MAST4: variants seen among roughly 807,000 people sequenced by gnomAD.
MAST4 encodes the protein microtubule associated serine/threonine kinase family member 4.
MAST4 carries 89 observed loss-of-function variants against 162.7 expected under a neutral mutation model. That is an observed-to-expected ratio of 0.55 (90% CI 0.46 to 0.65). MAST4 has a LOEUF of 0.65. Among genes scored for constraint, MAST4 ranks in the 30% least tolerant of loss-of-function variants. The probability of loss-of-function intolerance (pLI) is 0.00; values close to 1 mark genes in which losing one functional copy is unlikely to be tolerated. For missense variants in MAST4, 3,153 were observed against 3,374.0 expected (o/e 0.93, Z 1.62); for synonymous variants, 1,479 against 1,361.1 (o/e 1.09, Z -1.91).
intron 4 of MAST4, among the ~76,000 whole-genome samples, chr5:66,975,982 A>T (rs1460796562): frequency 1.3e-5 from 2 of 151,988 alleles, no homozygotes; most frequent in Admixed American, 1.3e-4. Context: ...AGGGTGACAG[A>T]GCTAGACTCC....
intron 2 of MAST4, among the ~76,000 whole-genome samples, chr5:66,777,576 T>G (rs1041659209): frequency 2.6e-5 from 4 of 152,126 alleles, no homozygotes; most frequent in Non-Finnish European, 5.9e-5. Flanking sequence ...AACAGTTTGA[T>G]TTTATGAGTT....
chr5:66,894,948 G>T (rs1237745165), intron 3 of MAST4, among the ~76,000 whole-genome samples: 1 of 152,150 alleles, frequency 6.6e-6, no homozygotes, highest in Non-Finnish European at 1.5e-5. Flanking sequence ...CAGGACACCT[G>T]TGAGGAGAGA....
At chr5:66,667,792 A>AT (rs111863549) in intron 1 of MAST4, among the ~76,000 whole-genome samples, 49,571 of 151,766 alleles carry the variant, frequency 0.33, 8,584 homozygotes, top group African/African-American at 0.45. Flanking sequence ...ATTATAATTG[A>AT]TTTTTTTTGT....
chr5:66,845,950 T>C (rs1252661822), intron 3 of MAST4, among the ~76,000 whole-genome samples: 1 of 152,172 alleles, frequency 6.6e-6, no homozygotes, highest in Non-Finnish European at 1.5e-5. Flanking sequence ...ACATAACATT[T>C]ATTGAACTTC....
At chr5:67,056,077 A>G (rs1442514164) in intron 5 of MAST4, among the ~76,000 whole-genome samples, 1 of 150,248 alleles carries the variant, frequency 6.7e-6, no homozygotes, top group Admixed American at 6.7e-5. Context: ...TCACTGTATT[A>G]TATTTTATGT....
rs141393965 is a variant in MAST4 at position 66,716,809 on chromosome 5, C to T, written c.364-42900C>T. 9.1e-4 allele frequency among the ~76,000 whole-genome samples: 139 copies of T among 152,314 alleles called. 2 individuals carry two copies. Among genetic ancestry groups the T allele is most frequent in the Middle Eastern group, 3.4e-3 (1 of 294 alleles). On this transcript the variant is annotated intron_variant, in intron 1 of 28. Transcript: ENST00000403625. Reference sequence around the variant, plus strand: ...TTGTGTTTTTTGGCTATCACCTTGACTACATTAACCATTGTAGTAGAGTAC... The same window carrying T: ...TTGTGTTTTTTGGCTATCACCTTGATTACATTAACCATTGTAGTAGAGTAC...
chr5:66,974,808 G>T (rs990344672), intron 4 of MAST4, among the ~76,000 whole-genome samples: 3 of 152,158 alleles, frequency 2.0e-5, no homozygotes, highest in African/African-American at 7.2e-5. Flanking sequence ...CATGGGATTT[G>T]CAAAGTATAA....
chr5:66,846,544 G>T (rs772333664), intron 3 of MAST4, among the ~76,000 whole-genome samples: 16 of 152,278 alleles, frequency 1.1e-4, no homozygotes, highest in Non-Finnish European at 1.0e-4. Context: ...TGTTGCTATA[G>T]ATTAATGACT....
At chr5:66,769,462 G>A (rs1754263900) in intron 2 of MAST4, among the ~76,000 whole-genome samples, 1 of 152,102 alleles carries the variant, frequency 6.6e-6, no homozygotes, top group Admixed American at 6.5e-5. Flanking sequence ...TTAATGACGG[G>A]GATACGTTTA....
At position 67,056,727 on chromosome 5, in the gene MAST4, A is replaced by C. The variant is rs1758871916; in HGVS notation, c.763+2235A>C. Among the ~76,000 whole-genome samples the C allele has an allele frequency of 3.3e-5, 5 of 152,068 alleles. No individual in the cohort carries two copies. In the South Asian group the frequency reaches 8.3e-4, roughly 25 times the overall value. On this transcript the variant is annotated intron_variant, in intron 5 of 28. Transcript: ENST00000403625. ...TGTTTTTGTTTTTGAGACAAAACCT[A>C]CCTCTGTTGCCCAGGCTGGAGTGCA...
rs150823922 is a variant in MAST4, at chr5:66,788,731, C to T, written c.579C>T (p.Ser193=). Residue 193 remains serine, a synonymous_variant, in exon 3 of 29, where the codon TCC becomes TCT. Transcript: ENST00000403625. ...GQAWPASAET[S]NLVRMRSQAL... is the part of the protein sequence containing the mutation. Reference sequence around the variant, plus strand: ...CCTGGCCGGCCTCTGCAGAGACGTCCAACCTCGTGCGCATGCGCAGCCAGG... The same window carrying T: ...CCTGGCCGGCCTCTGCAGAGACGTCTAACCTCGTGCGCATGCGCAGCCAGG... 1 of 1,613,258 alleles carries T rather than the reference C, an allele frequency of 6.2e-7. No homozygotes were observed. Among genetic ancestry groups the T allele is most frequent in the East Asian group, 2.2e-5 (1 of 44,854 alleles).
chr5:67,101,239 G>A (rs972936356), intron 8 of MAST4, among the ~76,000 whole-genome samples: 1 of 152,206 alleles, frequency 6.6e-6, no homozygotes, highest in Non-Finnish European at 1.5e-5. Context: ...ATTGGACAGA[G>A]GGAGAAGTCC....
intron 1 of MAST4, among the ~76,000 whole-genome samples, chr5:66,701,021 CTAA>C (rs1466920894): frequency 1.3e-5 from 2 of 151,594 alleles, no homozygotes; most frequent in Admixed American, 1.3e-4. Context: ...TTTACATTTC[CTAA>C]TAATAAAGCA....
At chr5:66,883,950 CTT>C (rs1761876546) in intron 3 of MAST4, among the ~76,000 whole-genome samples, 1 of 152,158 alleles carries the variant, frequency 6.6e-6, no homozygotes, top group South Asian at 2.1e-4. Flanking sequence ...CAAAGGGACA[CTT>C]TATTGAATTA....
chr5:66,741,840 T>A (rs1752492183), intron 1 of MAST4, among the ~76,000 whole-genome samples: 1 of 152,202 alleles, frequency 6.6e-6, no homozygotes. Flanking sequence ...GTCTCCTAAA[T>A]CAGAGCTGTT....
chr5:66,725,577 C>T (rs1239926743), intron 1 of MAST4, among the ~76,000 whole-genome samples: 2 of 152,146 alleles, frequency 1.3e-5, no homozygotes, highest in Non-Finnish European at 2.9e-5. Context: ...CCAAGAGACA[C>T]TTCTCTGACT....
Position 67,165,160 on chromosome 5 carries a change from G to C in MAST4, c.5981G>C (p.Arg1994Thr). 1.3e-6 allele frequency: 2 copies of C among 1,599,620 alleles called. No individual in the cohort carries two copies. Among genetic ancestry groups the C allele is most frequent in the Non-Finnish European group, 1.7e-6 (2 of 1,172,906 alleles). The part of the protein sequence containing the change: ...ERSAARADTC[R>T]EPSMELCFPE... The stretch of plus-strand genomic sequence containing the variant: ...TCTGCTGCGAGGGCTGACACATGCA[G>C]AGAGCCCTCCATGGAACTGTGCTTT... Residue 1994 changes from arginine (R) to threonine (T), a missense_variant, in exon 29 of 29, where the codon AGA (arginine) becomes ACA (threonine). Physicochemically the swap from Arg to Thr is moderately conservative, Grantham distance 71 (BLOSUM62 -1). This residue lies in a region of MAST4 where 1,644 missense variants were observed against 1,495.0 expected (regional missense o/e 1.10). Transcript: ENST00000403625.
intron 1 of MAST4, among the ~76,000 whole-genome samples, chr5:66,666,557 A>G (rs1167927328): frequency 6.6e-6 from 1 of 152,152 alleles, no homozygotes; most frequent in Non-Finnish European, 1.5e-5. Context: ...TATCACATTA[A>G]CTCTACTATG....
At chr5:66,907,469 T>C (rs140770296) in intron 4 of MAST4, among the ~76,000 whole-genome samples, 2 of 152,290 alleles carry the variant, frequency 1.3e-5, no homozygotes, top group African/African-American at 4.8e-5. Flanking sequence ...GGCTGTCTCC[T>C]GTCTCAATCA....
Sources: allele counts gnomAD v4.1 joint callset (sites outside exome capture counted in the v4.1 genomes callset), GRCh38; gene constraint gnomAD v4.1.1; regional missense constraint gnomAD v4.1.1; transcripts MANE v1.5; gene names NCBI Gene and HGNC (gene_info 2026-07-23, HGNC 2026-07-21).